The following PKNOX2 variants were observed in gnomAD, a reference collection of about 807,000 sequenced individuals.
PKNOX2 encodes the protein homeobox protein PKNOX2.
A neutral mutation model predicts 53.1 loss-of-function variants in PKNOX2; 14 were observed. That is an observed-to-expected ratio of 0.26 (90% CI 0.17 to 0.41). The LOEUF is 0.41. PKNOX2 is among the 10% of genes least tolerant of loss of function. The pLI, the probability that PKNOX2 is intolerant of heterozygous loss-of-function variation, is 1.00. For synonymous variants in PKNOX2, 257 were observed against 242.8 expected (o/e 1.06, Z -0.54); for missense variants, 496 against 602.8 (o/e 0.82, Z 1.85).
intron 2 of PKNOX2, among the ~76,000 whole-genome samples, chr11:125,249,373 T>C (rs760145094): frequency 6.6e-6 from 1 of 152,152 alleles, no homozygotes; most frequent in Non-Finnish European, 1.5e-5. Context: ...TAAACAAGAA[T>C]AGTCAGCCCT....
chr11:125,359,233 C>T (rs1233039757), intron 4 of PKNOX2, among the ~76,000 whole-genome samples: 4 of 149,832 alleles, frequency 2.7e-5, no homozygotes, highest in African/African-American at 7.6e-5. Context: ...GACAAGGCTG[C>T]GGATCCGTGA....
chr11:125,204,293 T>C (rs994667196), intron 1 of PKNOX2, among the ~76,000 whole-genome samples: 6 of 152,134 alleles, frequency 3.9e-5, no homozygotes, highest in African/African-American at 1.2e-4. Flanking sequence ...GTTTCTCAGA[T>C]GTTAAGGTAC....
intron 3 of PKNOX2, among the ~76,000 whole-genome samples, chr11:125,342,411 A>G (rs1950738728): frequency 1.3e-5 from 2 of 152,004 alleles, no homozygotes; most frequent in Admixed American, 6.5e-5. Flanking sequence ...CATGGTCCCC[A>G]TGCCTGCTTT....
intron 2 of PKNOX2, among the ~76,000 whole-genome samples, chr11:125,319,678 A>G (rs1026347621): frequency 2.0e-5 from 3 of 152,214 alleles, no homozygotes; most frequent in Non-Finnish European, 2.9e-5. Flanking sequence ...AAATTCTCAA[A>G]CTGAATTAAG....
chr11:125,178,610 GA>G lies in PKNOX2; in HGVS notation c.-201+13837del, dbSNP rs1351204385. ...GGAAGGAAGGAAGGAAGGAAGGAAGGAAAGAAAGAAAGAAAGAAAGAAAGAA... is the reference window on the plus strand; with the variant it reads ...GGAAGGAAGGAAGGAAGGAAGGAAGGAAGAAAGAAAGAAAGAAAGAAAGAA... On this transcript the variant is annotated intron_variant, in intron 1 of 12. Transcript: ENST00000298282. Among the ~76,000 whole-genome samples, 221 of 50,928 alleles carry G rather than the reference GA, an allele frequency of 4.3e-3. 1 individual carries two copies. Among genetic ancestry groups the G allele is most frequent in the African/African-American group, 0.012 (97 of 7,942 alleles). 33.4% of individuals were successfully genotyped at this position (50,928 alleles called of 152,430 possible). A position where few individuals can be genotyped will look rare whatever the true frequency, so the allele number is the denominator to read the frequency against.
chr11:125,411,925 G>A (rs1300701251), intron 10 of PKNOX2, 60 bp downstream of exon 10: 9 of 1,607,430 alleles, frequency 5.6e-6, no homozygotes, highest in East Asian at 4.5e-5. Flanking sequence ...AACCCACCGT[G>A]TGGGTACCAG....
chr11:125,227,551 A>C (rs938444506), intron 1 of PKNOX2, among the ~76,000 whole-genome samples: 1 of 152,156 alleles, frequency 6.6e-6, no homozygotes, highest in Non-Finnish European at 1.5e-5. Flanking sequence ...CATGTGTGAG[A>C]ATTTCCTTCC....
chr11:125,223,528 C>T (rs1179265476), intron 1 of PKNOX2, among the ~76,000 whole-genome samples: 1 of 152,224 alleles, frequency 6.6e-6, no homozygotes, highest in African/African-American at 2.4e-5. Flanking sequence ...CCACGCCCAG[C>T]CCTCTTTTAA....
chr11:125,270,623 C>T (rs1182887047), intron 2 of PKNOX2, among the ~76,000 whole-genome samples: 6 of 151,876 alleles, frequency 4.0e-5, no homozygotes, highest in African/African-American at 7.3e-5. Flanking sequence ...CTAATACACT[C>T]GAAAAAAAAT....
chr11:125,243,300 C>T (rs529039121), intron 2 of PKNOX2, among the ~76,000 whole-genome samples: 76 of 152,324 alleles, frequency 5.0e-4, no homozygotes, highest in Middle Eastern at 3.4e-3. Context: ...CCTGGAGGCT[C>T]AGCCCAGAGG....
intron 4 of PKNOX2, among the ~76,000 whole-genome samples, chr11:125,365,116 G>A (rs1352486367): frequency 6.6e-6 from 1 of 152,046 alleles, no homozygotes; most frequent in South Asian, 2.1e-4. Context: ...TCCTCCTTCA[G>A]ATATTCAAAG....
At chr11:125,277,137 A>C (rs1213636173) in intron 2 of PKNOX2, among the ~76,000 whole-genome samples, 2 of 152,182 alleles carry the variant, frequency 1.3e-5, no homozygotes, top group Non-Finnish European at 2.9e-5. Flanking sequence ...GAAAGTGGGA[A>C]GTTGGCAATG....
chr11:125,169,181 G>A (rs1225258797), intron 1 of PKNOX2, among the ~76,000 whole-genome samples: 3 of 152,194 alleles, frequency 2.0e-5, no homozygotes, highest in Non-Finnish European at 4.4e-5. Context: ...TGGAGAGGGT[G>A]AAAACGATGC....
chr11:125,409,068 G>A (rs545950867), intron 7 of PKNOX2, among the ~76,000 whole-genome samples: 1 of 152,288 alleles, frequency 6.6e-6, no homozygotes, highest in African/African-American at 2.4e-5. Context: ...TTCAGATGAG[G>A]AACCGTGGCT....
chr11:125,261,421 T>C (rs1052074616), intron 2 of PKNOX2, among the ~76,000 whole-genome samples: 1 of 152,188 alleles, frequency 6.6e-6, no homozygotes, highest in African/African-American at 2.4e-5. Context: ...GTTGAGGCAA[T>C]GTGCAATTCA....
intron 3 of PKNOX2, among the ~76,000 whole-genome samples, chr11:125,335,837 G>A (rs1950408851): frequency 6.6e-6 from 1 of 151,934 alleles, no homozygotes; most frequent in African/African-American, 2.4e-5. Context: ...AAACAAGCAA[G>A]CAAATAAGAG....
chr11:125,238,254 G>C, intron 2 of PKNOX2, among the ~76,000 whole-genome samples: 1 of 152,206 alleles, frequency 6.6e-6, no homozygotes, highest in East Asian at 1.9e-4. Context: ...AACACCAAAG[G>C]GGAGGGGGCA....
chr11:125,310,844 A>T (rs1948757407), intron 2 of PKNOX2, among the ~76,000 whole-genome samples: 1 of 151,828 alleles, frequency 6.6e-6, no homozygotes, highest in Non-Finnish European at 1.5e-5. Context: ...TGGTTTGATG[A>T]TTGTTGTCCT....
At chr11:125,405,868 C>T (rs1320351615) in intron 7 of PKNOX2, among the ~76,000 whole-genome samples, 1 of 152,184 alleles carries the variant, frequency 6.6e-6, no homozygotes, top group Non-Finnish European at 1.5e-5. Context: ...AGGCCTCAGG[C>T]AGTTTCCAGA....
Sources: allele counts gnomAD v4.1 joint callset (sites outside exome capture counted in the v4.1 genomes callset), GRCh38; gene constraint gnomAD v4.1.1; transcripts MANE v1.5; gene names NCBI Gene and HGNC (gene_info 2026-07-23, HGNC 2026-07-21).